RAB38: variants seen among roughly 807,000 people sequenced by gnomAD.
RAB38 encodes the protein ras-related protein Rab-38.
In RAB38, 15 loss-of-function variants were observed where a neutral mutation model predicts 18.4. The ratio of observed to expected loss-of-function variants is 0.82; its 90% CI spans 0.55 to 1.26. RAB38 has a LOEUF of 1.26. RAB38 is among the 50% of genes most tolerant of loss of function. RAB38 has a pLI of 0.00. For missense variants in RAB38, 294 were observed against 267.4 expected, an observed-to-expected ratio of 1.10 and a Z score of -0.69; for synonymous variants, 101 against 104.4, an observed-to-expected ratio of 0.97 and a Z score of 0.20.
chr11:88,049,928 C>A, the RAB38 span, among the ~76,000 whole-genome samples: 1 of 152,190 alleles, frequency 6.6e-6, no homozygotes, highest in East Asian at 1.9e-4. Flanking sequence ...TCACACAGTT[C>A]TCTTTCTACA....
At chr11:88,033,603 T>C in the RAB38 span, among the ~76,000 whole-genome samples, 1 of 151,824 alleles carries the variant, frequency 6.6e-6, no homozygotes, top group Non-Finnish European at 1.5e-5. Flanking sequence ...CCAATCTTAG[T>C]CAACGTTTCC....
chr11:87,874,059 T>C, the RAB38 span, among the ~76,000 whole-genome samples: 1 of 150,758 alleles, frequency 6.6e-6, no homozygotes, highest in Non-Finnish European at 1.5e-5. Flanking sequence ...GTTACAAATA[T>C]AATTAAGTCC....
At chr11:88,042,543 C>A in the RAB38 span, among the ~76,000 whole-genome samples, 78,429 of 152,064 alleles carry the variant, frequency 0.52, 21,768 homozygotes, top group Non-Finnish European at 0.63. Context: ...GAGGTTAATT[C>A]CCAGGCACAG....
At chr11:88,084,924 T>A in the RAB38 span, among the ~76,000 whole-genome samples, 1 of 151,888 alleles carries the variant, frequency 6.6e-6, no homozygotes, top group Non-Finnish European at 1.5e-5. Flanking sequence ...CATATTTTGA[T>A]CCCATTTTAT....
At chr11:87,954,533 C>T in the RAB38 span, among the ~76,000 whole-genome samples, 81 of 151,136 alleles carry the variant, frequency 5.4e-4, no homozygotes, top group African/African-American at 1.2e-3. Context: ...CATAAATGCA[C>T]GCTAGAGAAG....
chr11:88,047,496 C>T, the RAB38 span, among the ~76,000 whole-genome samples: 3 of 152,356 alleles, frequency 2.0e-5, no homozygotes, highest in Middle Eastern at 3.4e-3. Flanking sequence ...GCAAGCTGAA[C>T]TCATTGCCTT....
the RAB38 span, among the ~76,000 whole-genome samples, chr11:88,052,931 T>TATTTC: frequency 2.5e-5 from 1 of 39,316 alleles, no homozygotes; most frequent in African/African-American, 1.1e-4. Flanking sequence ...TATATATATA[T>TATTTC]ATATATATAT....
chr11:88,106,179 T>C, the RAB38 span, among the ~76,000 whole-genome samples: 1 of 151,620 alleles, frequency 6.6e-6, no homozygotes, highest in African/African-American at 2.4e-5. Flanking sequence ...GCAACAGCTA[T>C]CACAGAGAGA....
chr11:88,168,260 T>C (rs1449083170), intron 1 of RAB38, among the ~76,000 whole-genome samples: 4 of 152,204 alleles, frequency 2.6e-5, no homozygotes, highest in Non-Finnish European at 5.9e-5. Context: ...TTGATAAATG[T>C]AAGGAATTTT....
the RAB38 span, among the ~76,000 whole-genome samples, chr11:87,847,801 C>T: frequency 2.6e-5 from 4 of 152,070 alleles, no homozygotes; most frequent in African/African-American, 4.8e-5. Context: ...GACAGAAAGA[C>T]GGGACATGTC....
the RAB38 span, among the ~76,000 whole-genome samples, chr11:88,068,453 ATT>A: frequency 6.6e-6 from 1 of 152,188 alleles, no homozygotes; most frequent in Non-Finnish European, 1.5e-5. Flanking sequence ...TTTCCTGGCA[ATT>A]GTGCAAGCTG....
the RAB38 span, among the ~76,000 whole-genome samples, chr11:88,101,704 A>G: frequency 6.6e-6 from 1 of 151,790 alleles, no homozygotes; most frequent in South Asian, 2.1e-4. Flanking sequence ...GTTTCACACT[A>G]TAAAAAATGT....
the RAB38 span, among the ~76,000 whole-genome samples, chr11:87,853,620 G>A: frequency 6.6e-6 from 1 of 151,262 alleles, no homozygotes; most frequent in Non-Finnish European, 1.5e-5. Flanking sequence ...GGAAGTGAAA[G>A]CTTAACTGGA....
chr11:88,006,418 A>C, the RAB38 span, among the ~76,000 whole-genome samples: 1 of 151,448 alleles, frequency 6.6e-6, no homozygotes, highest in Non-Finnish European at 1.5e-5. Flanking sequence ...AAATCTCATT[A>C]CATTTGGGTA....
At chr11:87,872,402 C>A in the RAB38 span, among the ~76,000 whole-genome samples, 2 of 151,524 alleles carry the variant, frequency 1.3e-5, no homozygotes, top group East Asian at 3.9e-4. Context: ...CCATCAACAT[C>A]CTGCACCTGG....
the RAB38 span, among the ~76,000 whole-genome samples, chr11:87,926,124 G>A: frequency 6.6e-5 from 10 of 151,562 alleles, no homozygotes; most frequent in East Asian, 2.0e-3. Flanking sequence ...CATCATTCAT[G>A]GATAATGAGC....
the RAB38 span, among the ~76,000 whole-genome samples, chr11:88,044,400 T>G: frequency 6.6e-6 from 1 of 152,060 alleles, no homozygotes; most frequent in African/African-American, 2.4e-5. Context: ...CTTGCCTCCT[T>G]CACTATGGGC....
chr11:87,858,177 T>C, the RAB38 span, among the ~76,000 whole-genome samples: 1 of 152,124 alleles, frequency 6.6e-6, no homozygotes, highest in Non-Finnish European at 1.5e-5. Flanking sequence ...TGGTTGTAGG[T>C]GTGTCATATT....
chr11:87,950,882 G>A, the RAB38 span, among the ~76,000 whole-genome samples: 2 of 152,064 alleles, frequency 1.3e-5, no homozygotes, highest in Admixed American at 6.6e-5. Context: ...GCTCTTCTCA[G>A]GGAGTGTCTT....
Sources: gnomAD v4.1 joint callset for allele counts (sites outside exome capture counted in the v4.1 genomes callset) on GRCh38, gnomAD v4.1.1 for gene constraint, MANE v1.5 for transcripts, NCBI Gene and HGNC (gene_info 2026-07-23, HGNC 2026-07-21) for gene names.